Variants in CTIF observed in about 807,000 individuals in gnomAD.
CTIF encodes cap binding complex dependent translation initiation factor.
CTIF carries 21 observed loss-of-function variants against 66.0 expected under a neutral mutation model. That is an observed-to-expected ratio of 0.32 (90% CI 0.23 to 0.46). The LOEUF (loss-of-function observed/expected upper bound fraction) is 0.46, where lower values mean the gene tolerates loss of function less well. Among genes scored for constraint, CTIF ranks in the 20% least tolerant of loss-of-function variants. The pLI is 1.00. For synonymous variants in CTIF, 345 were observed against 326.4 expected (o/e 1.06, Z -0.62); for missense variants, 739 against 812.7 (o/e 0.91, Z 1.10).
chr18:48,619,339 C>T (rs757932149), intron 1 of CTIF, among the ~76,000 whole-genome samples, 199 bp from the exon 2 acceptor site: 8 of 152,220 alleles, frequency 5.3e-5, no homozygotes, highest in African/African-American at 7.2e-5. Flanking sequence ...AGTCTCCTGC[C>T]CTACACAGTG....
chr18:48,667,393 A>C (rs2091455051), intron 5 of CTIF, among the ~76,000 whole-genome samples: 1 of 152,198 alleles, frequency 6.6e-6, no homozygotes, highest in African/African-American at 2.4e-5. Flanking sequence ...GAAAGGCTTC[A>C]GGAGGGAGAC....
intron 10 of CTIF, 60 bp from the exon 11 acceptor site, chr18:48,857,528 A>C: frequency 4.7e-6 from 7 of 1,490,340 alleles, no homozygotes; most frequent in Non-Finnish European, 6.4e-6. Context: ...GCAGGGAGCT[A>C]CAGGGCCCAG....
At chr18:48,822,508 AC>A (rs2068505598) in intron 10 of CTIF, among the ~76,000 whole-genome samples, 1 of 25,682 alleles carries the variant, frequency 3.9e-5, no homozygotes, top group East Asian at 1.6e-3. Context: ...CACCCCCAAC[AC>A]ACACACACAC....
At chr18:48,750,611 G>C (rs1420537820) in intron 7 of CTIF, among the ~76,000 whole-genome samples, 2 of 152,248 alleles carry the variant, frequency 1.3e-5, no homozygotes, top group African/African-American at 4.8e-5. Context: ...GAAACCAAGG[G>C]CTGCAGTGGC....
In CTIF at chr18:48,850,220, T is replaced by C. The variant is rs530361032; in HGVS notation, c.1528-7368T>C. The stretch of plus-strand genomic sequence containing the variant: ...GGCCTTCCTTTTTAAGACTGGGTGA[T>C]ATTCCCCTTGTATGGATTTACCACT... On this transcript the variant is annotated intron_variant, in intron 10 of 11. Coordinates refer to ENST00000256413, the MANE Select transcript of CTIF (RefSeq NM_014772.3). 6.6e-5 allele frequency among the ~76,000 whole-genome samples: 10 copies of C among 152,366 alleles called. No homozygotes were observed. The East Asian group carries it at 1.7e-3, about 26-fold the overall frequency.
At chr18:48,674,839 A>G (rs1216848214) in intron 6 of CTIF, among the ~76,000 whole-genome samples, 1 of 152,176 alleles carries the variant, frequency 6.6e-6, no homozygotes, top group African/African-American at 2.4e-5. Context: ...TAGTTAAGTA[A>G]AGGGTCTGTT....
At chr18:48,783,901 C>T (rs1911475277) in intron 9 of CTIF, among the ~76,000 whole-genome samples, 1 of 152,158 alleles carries the variant, frequency 6.6e-6, no homozygotes, top group Non-Finnish European at 1.5e-5. Flanking sequence ...CCTTACGTAG[C>T]GTCCACACGT....
intron 6 of CTIF, among the ~76,000 whole-genome samples, chr18:48,696,951 C>A (rs1312665912): frequency 1.3e-5 from 2 of 152,178 alleles, no homozygotes; most frequent in Non-Finnish European, 2.9e-5. Context: ...CCTGGGGGAC[C>A]CAGGTCTTTG....
intron 1 of CTIF, among the ~76,000 whole-genome samples, chr18:48,559,874 T>C (rs2089113259): frequency 6.6e-6 from 1 of 152,018 alleles, no homozygotes; most frequent in East Asian, 1.9e-4. Context: ...CAGGCATGAG[T>C]ACACTAAAAG....
intron 1 of CTIF, among the ~76,000 whole-genome samples, chr18:48,575,779 C>T (rs1044179954): frequency 2.6e-5 from 4 of 152,346 alleles, no homozygotes; most frequent in Admixed American, 2.6e-4. Flanking sequence ...TGGGCTGTGG[C>T]CGCAACCCCA....
intron 1 of CTIF, among the ~76,000 whole-genome samples, chr18:48,603,297 AT>A (rs1399422188): frequency 6.9e-6 from 1 of 144,248 alleles, no homozygotes; most frequent in African/African-American, 2.6e-5. Flanking sequence ...GGGTGGGTGG[AT>A]GGATGGGTAG....
At chr18:48,690,633 T>C (rs1241333711) in intron 6 of CTIF, among the ~76,000 whole-genome samples, 2 of 151,878 alleles carry the variant, frequency 1.3e-5, no homozygotes, top group Non-Finnish European at 2.9e-5. Context: ...TGGAAAGTAG[T>C]CCACAAACAC....
chr18:48,613,134 G>T (rs577342263), intron 1 of CTIF, among the ~76,000 whole-genome samples: 84 of 152,234 alleles, frequency 5.5e-4, no homozygotes, highest in African/African-American at 1.9e-3. Flanking sequence ...CTAATGCCTC[G>T]CAGTTCTTAA....
chr18:48,577,586 T>A (rs2089562117), intron 1 of CTIF, among the ~76,000 whole-genome samples: 1 of 152,120 alleles, frequency 6.6e-6, no homozygotes, highest in Non-Finnish European at 1.5e-5. Flanking sequence ...CTTTTGTTTG[T>A]TTGTTTGAGA....
chr18:48,826,131 G>A (rs2068577359), intron 10 of CTIF: 1 of 152,226 alleles, frequency 6.6e-6, no homozygotes, highest in Non-Finnish European at 1.5e-5. Context: ...GCATAGGAAT[G>A]AGAATAATAC....
At position 48,700,245 on chromosome 18, in the gene CTIF, C is replaced by T. The variant is rs184334571; in HGVS notation, c.508-11374C>T. Reference sequence around the variant, plus strand: ...CTTTCTGCTACCATGTAAGATGTGACTTTGTTCGTCCTTTGCCTTCTGCCA... The same window carrying T: ...CTTTCTGCTACCATGTAAGATGTGATTTTGTTCGTCCTTTGCCTTCTGCCA... On this transcript the variant is annotated intron_variant, in intron 6 of 11. Coordinates refer to ENST00000256413, the MANE Select transcript of CTIF (RefSeq NM_014772.3). 9.2e-3 allele frequency among the ~76,000 whole-genome samples: 1,404 copies of T among 152,350 alleles called. 70 individuals are homozygous for T. The highest frequency in any genetic ancestry group is 0.082 in the Admixed American group (1,252 of 15,302).
intron 6 of CTIF, among the ~76,000 whole-genome samples, chr18:48,709,401 C>T (rs542470194): frequency 6.6e-6 from 1 of 152,380 alleles, no homozygotes; most frequent in East Asian, 1.9e-4. Context: ...ACAGGGTTAG[C>T]TCCCCATGGC....
intron 9 of CTIF, among the ~76,000 whole-genome samples, chr18:48,767,845 C>A (rs1003147628): frequency 3.3e-5 from 5 of 152,196 alleles, no homozygotes; most frequent in African/African-American, 1.2e-4. Flanking sequence ...GCTTTTCATA[C>A]ATAGACGCTC....
intron 7 of CTIF, among the ~76,000 whole-genome samples, chr18:48,737,986 C>T (rs886209596): frequency 6.6e-6 from 1 of 152,382 alleles, no homozygotes; most frequent in East Asian, 1.9e-4. Flanking sequence ...CAACATCCCA[C>T]GGTGGGGTGT....
Sources: gnomAD v4.1 joint callset for allele counts (sites outside exome capture counted in the v4.1 genomes callset) on GRCh38, gnomAD v4.1.1 for gene constraint, MANE v1.5 for transcripts, NCBI Gene and HGNC (gene_info 2026-07-23, HGNC 2026-07-21) for gene names.